B3GAT2: variants seen among roughly 807,000 people sequenced by gnomAD.
B3GAT2 encodes galactosylgalactosylxylosylprotein 3-beta-glucuronosyltransferase 2.
Under a neutral mutation model 27.8 loss-of-function variants are expected in B3GAT2, and 26 were observed. That is an observed-to-expected ratio of 0.93 (90% CI 0.68 to 1.30). B3GAT2 has a LOEUF of 1.30. B3GAT2 is among the 50% of genes most tolerant of loss of function. The pLI, the probability that B3GAT2 is intolerant of heterozygous loss-of-function variation, is 0.00. For synonymous variants in B3GAT2, 218 were observed against 195.1 expected (o/e 1.12, Z -0.98); for missense variants, 458 against 459.0 (o/e 1.00, Z 0.02).
intron 2 of B3GAT2, among the ~76,000 whole-genome samples, chr6:70,884,064 C>A (rs919997110): frequency 6.8e-6 from 1 of 146,004 alleles, no homozygotes; most frequent in Non-Finnish European, 1.5e-5. Flanking sequence ...CTCTCTTACT[C>A]CTGGGTGCAC....
chr6:70,893,741 A>G (rs1222082382), intron 2 of B3GAT2, among the ~76,000 whole-genome samples: 1 of 152,188 alleles, frequency 6.6e-6, no homozygotes, highest in Non-Finnish European at 1.5e-5. Context: ...AACATGATAT[A>G]TTTTAATATA....
intron 1 of B3GAT2, among the ~76,000 whole-genome samples, chr6:70,930,787 G>GAACTA: frequency 6.6e-6 from 1 of 152,234 alleles, no homozygotes; most frequent in East Asian, 1.9e-4. Flanking sequence ...GATTCCTCAA[G>GAACTA]GATCTAGAAC....
At chr6:70,934,587 AC>A (rs1255110195) in intron 1 of B3GAT2, among the ~76,000 whole-genome samples, 2 of 152,228 alleles carry the variant, frequency 1.3e-5, no homozygotes, top group Admixed American at 6.5e-5. Flanking sequence ...TTTGCATTCA[AC>A]AAAACTGGAG....
chr6:70,914,375 A>G (rs1772734447), intron 1 of B3GAT2, among the ~76,000 whole-genome samples: 1 of 152,084 alleles, frequency 6.6e-6, no homozygotes, highest in Non-Finnish European at 1.5e-5. Context: ...GAGTGAGAAC[A>G]TGCGGTGTTT....
rs1020929258 is a variant in B3GAT2, at chr6:70,895,873, GA to G, written c.592-1602del. On this transcript the variant is annotated intron_variant, in intron 1 of 3. Coordinates refer to ENST00000230053, the MANE Select transcript of B3GAT2 (RefSeq NM_080742.3). Reference sequence around the variant, plus strand: ...ACAAGCTGAGGTATAAGTGACTGCAGAAAAGTGTTAACAAGCCTGAGACTTT... The same window carrying G: ...ACAAGCTGAGGTATAAGTGACTGCAGAAAGTGTTAACAAGCCTGAGACTTT... Among the ~76,000 whole-genome samples the G allele has an allele frequency of 5.3e-5, 8 of 151,120 alleles. No individual in the cohort carries two copies. The South Asian group carries it at 1.7e-3, about 32-fold the overall frequency.
At chr6:70,942,094 T>A (rs1562236117) in intron 1 of B3GAT2, among the ~76,000 whole-genome samples, 1 of 152,078 alleles carries the variant, frequency 6.6e-6, no homozygotes, top group Non-Finnish European at 1.5e-5. Context: ...GGTCAAAAAT[T>A]TGCCTAATGG....
Position 70,858,153 on chromosome 6 carries a change from T to G in B3GAT2, c.*3510A>C, listed in dbSNP as rs1205119468. On this transcript the variant is annotated 3_prime_UTR_variant, in exon 4 of 4. Transcript: ENST00000230053. ...AACGTTGTTGGCCCCCAAGGAGGAATGGTGGGACAAATGGGTGCACCCCAG... is the reference window on the plus strand; with the variant it reads ...AACGTTGTTGGCCCCCAAGGAGGAAGGGTGGGACAAATGGGTGCACCCCAG... The G allele has an allele frequency of 6.2e-6, 10 of 1,613,900 alleles. No individual in the cohort carries two copies. Among genetic ancestry groups the G allele is most frequent in the African/African-American group, 1.3e-5 (1 of 74,900 alleles).
chr6:70,905,120 C>T (rs896152992), intron 1 of B3GAT2, among the ~76,000 whole-genome samples: 3 of 152,192 alleles, frequency 2.0e-5, no homozygotes, highest in African/African-American at 4.8e-5. Flanking sequence ...AATCTATGAG[C>T]TATTTAAATT....
chr6:70,871,239 G>A (rs1359918804), intron 2 of B3GAT2, among the ~76,000 whole-genome samples: 3 of 92,180 alleles, frequency 3.3e-5, no homozygotes, highest in South Asian at 3.1e-4. Context: ...TTTTTTCTTC[G>A]TGATGTCTTT....
rs1554218657 is a variant in B3GAT2 at position 70,955,880 on chromosome 6, C to A, written c.550G>T (p.Ala184Ser). 1 of 1,605,472 alleles carries A rather than the reference C, an allele frequency of 6.2e-7. No homozygotes were observed. The highest frequency in any genetic ancestry group is 1.7e-5 in the Admixed American group (1 of 59,568). ...AGACTATAGGTGTTGTCGTCGTCAG[C>A]GAAGAAGAGCACGCCGGGCTGCGCG... is the stretch of plus-strand genomic sequence containing the variant. ...QRAQPGVLFFADDDNTYSLEL... is the reference protein window; with the variant it reads ...QRAQPGVLFFSDDDNTYSLEL... The change falls in exon 1 of 4, where the codon GCT (alanine) becomes TCT (serine). Residue 184 changes from alanine to serine, a missense_variant. Coordinates refer to ENST00000230053, the MANE Select transcript of B3GAT2 (RefSeq NM_080742.3).
chr6:70,877,192 G>A (rs1772027664), intron 2 of B3GAT2, among the ~76,000 whole-genome samples: 1 of 152,212 alleles, frequency 6.6e-6, no homozygotes, highest in South Asian at 2.1e-4. Context: ...AGATGGTTCA[G>A]GTAAGAGCAG....
At chr6:70,927,379 G>C (rs935501367) in intron 1 of B3GAT2, among the ~76,000 whole-genome samples, 12 of 152,240 alleles carry the variant, frequency 7.9e-5, no homozygotes, top group Admixed American at 3.3e-4. Flanking sequence ...GACACAGACT[G>C]GCAAATTGGA....
At chr6:70,944,187 C>T (rs977644332) in intron 1 of B3GAT2, among the ~76,000 whole-genome samples, 4 of 152,108 alleles carry the variant, frequency 2.6e-5, no homozygotes, top group Non-Finnish European at 4.4e-5. Flanking sequence ...TCTGAGGTAC[C>T]GGGTTCATCT....
chr6:70,954,911 G>GCGA (rs1177091767), intron 1 of B3GAT2, among the ~76,000 whole-genome samples: 1 of 145,292 alleles, frequency 6.9e-6, no homozygotes, highest in East Asian at 2.2e-4. Context: ...CCTGCCGGGG[G>GCGA]CGGCGGGGGG....
intron 1 of B3GAT2, among the ~76,000 whole-genome samples, chr6:70,906,266 A>C (rs965417077): frequency 1.3e-5 from 2 of 152,190 alleles, no homozygotes; most frequent in Non-Finnish European, 2.9e-5. Flanking sequence ...ATTAGGTACT[A>C]TTCCAGCACA....
intron 1 of B3GAT2, among the ~76,000 whole-genome samples, chr6:70,924,396 TA>T (rs1772920447): frequency 6.6e-6 from 1 of 152,266 alleles, no homozygotes; most frequent in Non-Finnish European, 1.5e-5. Context: ...TTTTTTGCAG[TA>T]ACAGAATAAT....
chr6:70,909,409 TCAGA>T (rs1772653330), intron 1 of B3GAT2, among the ~76,000 whole-genome samples: 1 of 152,192 alleles, frequency 6.6e-6, no homozygotes. Context: ...TTTATTAATA[TCAGA>T]CAAAGTAGTT....
rs59656470 is a variant in B3GAT2, at chr6:70,942,545, C to G, written c.591+13294G>C. ...CCACAATTACTCCTACAATCAACAACTCCATTAGGGACCTCTGCTTTACAC... is the reference window on the plus strand; with the variant it reads ...CCACAATTACTCCTACAATCAACAAGTCCATTAGGGACCTCTGCTTTACAC... On this transcript the variant is annotated intron_variant, in intron 1 of 3. Transcript: ENST00000230053. 1.4e-3 allele frequency among the ~76,000 whole-genome samples: 212 copies of G among 152,286 alleles called. 1 individual carries two copies. Among genetic ancestry groups the G allele is most frequent in the African/African-American group, 4.9e-3 (204 of 41,564 alleles).
chr6:70,955,278 A>G (rs1361032187), intron 1 of B3GAT2, among the ~76,000 whole-genome samples: 2 of 151,900 alleles, frequency 1.3e-5, no homozygotes. Context: ...TCTAACAACC[A>G]TTTCCGTGCC....
Sources: allele counts gnomAD v4.1 joint callset (sites outside exome capture counted in the v4.1 genomes callset), GRCh38; gene constraint gnomAD v4.1.1; transcripts MANE v1.5; gene names NCBI Gene and HGNC (gene_info 2026-07-23, HGNC 2026-07-21).